Variants in CMSS1 observed in about 807,000 individuals in gnomAD.
The protein encoded by CMSS1 is protein CMSS1.
In CMSS1, 33 loss-of-function variants were observed where a neutral mutation model predicts 43.5. That is an observed-to-expected ratio of 0.76 (90% confidence interval 0.57 to 1.01). The LOEUF is 1.01. Among genes scored for constraint, CMSS1 ranks in the 50% least tolerant of loss-of-function variants. CMSS1 has a pLI of 0.00. For missense variants in CMSS1, 313 were observed against 326.4 expected, an observed-to-expected ratio of 0.96 and a Z score of 0.32; for synonymous variants, 115 against 117.2, an observed-to-expected ratio of 0.98 and a Z score of 0.12.
At chr3:99,868,760 A>G (rs1047738820) in intron 1 of CMSS1, among the ~76,000 whole-genome samples, 1 of 152,154 alleles carries the variant, frequency 6.6e-6, no homozygotes, top group African/African-American at 2.4e-5. Flanking sequence ...TGCTGCATTC[A>G]GTCATCTCCA....
At chr3:99,880,290 A>G (rs1335045102) in intron 1 of CMSS1, among the ~76,000 whole-genome samples, 1 of 152,162 alleles carries the variant, frequency 6.6e-6, no homozygotes, top group Non-Finnish European at 1.5e-5. Context: ...ACATGTAGAT[A>G]CCCACATGAA....
chr3:99,907,840 A>C (rs1021763191), intron 1 of CMSS1, among the ~76,000 whole-genome samples: 1 of 152,170 alleles, frequency 6.6e-6, no homozygotes, highest in Non-Finnish European at 1.5e-5. Flanking sequence ...TCCCCTAATC[A>C]GTGATCACCT....
chr3:100,029,478 C>T (rs1315716198), intron 1 of CMSS1, among the ~76,000 whole-genome samples: 1 of 152,154 alleles, frequency 6.6e-6, no homozygotes, highest in East Asian at 1.9e-4. Flanking sequence ...GTTACTATCA[C>T]ATTAAATAGT....
chr3:99,938,715 C>T (rs1031924862), intron 1 of CMSS1, among the ~76,000 whole-genome samples: 1 of 152,080 alleles, frequency 6.6e-6, no homozygotes, highest in African/African-American at 2.4e-5. Flanking sequence ...TGTGATTCAT[C>T]TATGAAAATA....
chr3:100,003,280 C>T (rs1340976437), intron 1 of CMSS1, among the ~76,000 whole-genome samples: 1 of 152,192 alleles, frequency 6.6e-6, no homozygotes, highest in Non-Finnish European at 1.5e-5. Flanking sequence ...CACATTGACT[C>T]AGTCAAACCA....
At chr3:100,030,070 C>T (rs2064997625) in intron 1 of CMSS1, among the ~76,000 whole-genome samples, 1 of 152,100 alleles carries the variant, frequency 6.6e-6, no homozygotes, top group Admixed American at 6.6e-5. Context: ...CTGGAAAGGA[C>T]CTTAAAACCC....
At chr3:99,852,418 A>G (rs1943741391) in intron 1 of CMSS1, among the ~76,000 whole-genome samples, 1 of 152,082 alleles carries the variant, frequency 6.6e-6, no homozygotes, top group South Asian at 2.1e-4. Context: ...AAAGTTGTGT[A>G]AGGATTTGAG....
chr3:99,935,773 C>T (rs565137460), intron 1 of CMSS1, among the ~76,000 whole-genome samples: 1 of 152,278 alleles, frequency 6.6e-6, no homozygotes, highest in Non-Finnish European at 1.5e-5. Context: ...GAAGTAGATC[C>T]TGCTTTGTTT....
intron 1 of CMSS1, among the ~76,000 whole-genome samples, chr3:100,146,008 A>G (rs1238648746): frequency 6.6e-6 from 1 of 152,246 alleles, no homozygotes; most frequent in Non-Finnish European, 1.5e-5. Flanking sequence ...GTTAAGTTGG[A>G]CCTAAATATG....
intron 1 of CMSS1, among the ~76,000 whole-genome samples, chr3:100,110,747 T>C (rs1396817312): frequency 6.6e-6 from 1 of 152,066 alleles, no homozygotes; most frequent in Non-Finnish European, 1.5e-5. Context: ...CCATATAGAG[T>C]ATTTTTTCTT....
intron 1 of CMSS1, among the ~76,000 whole-genome samples, chr3:100,099,512 A>G (rs2066267592): frequency 6.6e-6 from 1 of 152,268 alleles, no homozygotes; most frequent in East Asian, 1.9e-4. Context: ...AGGTGATATA[A>G]AAGTATTTGT....
At chr3:99,944,985 C>T (rs1318305686) in intron 1 of CMSS1, among the ~76,000 whole-genome samples, 1 of 152,166 alleles carries the variant, frequency 6.6e-6, no homozygotes, top group African/African-American at 2.4e-5. Context: ...TCATTCTAGG[C>T]AGTAGGGAGG....
chr3:99,845,821 T>A (rs554002705), intron 1 of CMSS1, among the ~76,000 whole-genome samples: 4 of 152,180 alleles, frequency 2.6e-5, no homozygotes, highest in Admixed American at 1.3e-4. Context: ...TTTATTTTGA[T>A]GCTGATACAA....
intron 1 of CMSS1, among the ~76,000 whole-genome samples, chr3:99,936,369 CT>C (rs548149257): frequency 9.3e-3 from 804 of 86,404 alleles, no homozygotes; most frequent in African/African-American, 0.019. Context: ...AGCTTGAAGC[CT>C]TTTTTTTTTT....
intron 1 of CMSS1, among the ~76,000 whole-genome samples, chr3:99,948,674 GGAA>G (rs908664480): frequency 6.0e-5 from 9 of 149,164 alleles, no homozygotes; most frequent in East Asian, 3.9e-4. Flanking sequence ...AAGGGAAAGA[GGAA>G]GAAGAAGAGG....
chr3:100,020,760 C>CTTTTTTTTTTTTTTTTTT (rs34665880), intron 1 of CMSS1, among the ~76,000 whole-genome samples: 1 of 70,994 alleles, frequency 1.4e-5, no homozygotes, highest in Non-Finnish European at 2.4e-5. Context: ...GAATAATTAG[C>CTTTTTTTTTTTTTTTTTT]TTTTTTTTTT....
chr3:100,151,269 G>T (rs1483305649), intron 2 of CMSS1, among the ~76,000 whole-genome samples: 1 of 152,052 alleles, frequency 6.6e-6, no homozygotes, highest in Non-Finnish European at 1.5e-5. Context: ...TTGACAAATT[G>T]CCCAAAAGTT....
At chr3:100,087,416 T>G (rs1371157608) in intron 1 of CMSS1, among the ~76,000 whole-genome samples, 1 of 152,242 alleles carries the variant, frequency 6.6e-6, no homozygotes, top group Non-Finnish European at 1.5e-5. Context: ...TTTTGTTTTC[T>G]TTTGTTTTTC....
chr3:100,122,416 G>T (rs965118373), intron 1 of CMSS1, among the ~76,000 whole-genome samples: 1 of 152,218 alleles, frequency 6.6e-6, no homozygotes, highest in Non-Finnish European at 1.5e-5. Context: ...GGCACCCAGG[G>T]TACTTCTTAG....
Sources: allele counts gnomAD v4.1 joint callset (sites outside exome capture counted in the v4.1 genomes callset), GRCh38; gene constraint gnomAD v4.1.1; transcripts MANE v1.5; gene names NCBI Gene and HGNC (gene_info 2026-07-23, HGNC 2026-07-21).